Variants in SMARCC1 observed in about 807,000 individuals in gnomAD.
The protein encoded by SMARCC1 is SWI/SNF related BAF chromatin remodeling complex subunit C1, also known as SWI/SNF complex subunit SMARCC1.
SMARCC1 carries 43 observed loss-of-function variants against 147.4 expected under a neutral mutation model. The ratio of observed to expected loss-of-function variants is 0.29; its 90% confidence interval spans 0.23 to 0.38. The LOEUF (loss-of-function observed/expected upper bound fraction) is 0.38. SMARCC1 is among the 10% of genes least tolerant of loss of function. The pLI is 1.00. For missense variants in SMARCC1, 1,119 were observed against 1,381.1 expected (o/e 0.81, Z 3.01); for synonymous variants, 495 against 484.4 (o/e 1.02, Z -0.29).
chr3:47,629,151 T>C (rs765070387), intron 24 of SMARCC1, among the ~76,000 whole-genome samples: 2 of 152,144 alleles, frequency 1.3e-5, no homozygotes, highest in African/African-American at 4.8e-5. Flanking sequence ...GTGTCTCCAA[T>C]TCAAACCCTC....
rs546954168 is a variant in SMARCC1, at chr3:47,688,608, A to G, written c.1263+779T>C. On this transcript the variant is annotated intron_variant, in intron 13 of 27. Coordinates refer to ENST00000254480, the MANE Select transcript of SMARCC1 (RefSeq NM_003074.4). ...TCCTACCTTAAATCTAACATGTTCC[A>G]AAAGCATAATGATTGAGGTATCGCT... Among the ~76,000 whole-genome samples, 6 of 152,336 alleles carry G rather than the reference A, an allele frequency of 3.9e-5. No homozygotes were observed. The East Asian group carries it at 1.2e-3, about 29-fold the overall frequency.
intron 1 of SMARCC1, among the ~76,000 whole-genome samples, chr3:47,777,656 T>C (rs558138266): frequency 1.3e-5 from 2 of 151,956 alleles, no homozygotes; most frequent in South Asian, 4.2e-4. Context: ...GTCTCCTGAG[T>C]AGCTGGGACT....
At chr3:47,592,459 T>C (rs1224177824) in intron 26 of SMARCC1, among the ~76,000 whole-genome samples, 1 of 152,188 alleles carries the variant, frequency 6.6e-6, no homozygotes, top group Non-Finnish European at 1.5e-5. Flanking sequence ...ATTTAAACTA[T>C]AAAAACCACT....
chr3:47,657,409 GA>G (rs2033277939), intron 21 of SMARCC1, among the ~76,000 whole-genome samples: 2 of 152,154 alleles, frequency 1.3e-5, no homozygotes, highest in Non-Finnish European at 2.9e-5. Flanking sequence ...ATCAGTAAAA[GA>G]AGAAAATCTT....
chr3:47,728,311 C>G (rs551614958), intron 6 of SMARCC1, among the ~76,000 whole-genome samples: 143 of 152,008 alleles, frequency 9.4e-4, no homozygotes, highest in African/African-American at 3.3e-3. Context: ...TGATCTCAAA[C>G]TCCTGACCTC....
intron 26 of SMARCC1, among the ~76,000 whole-genome samples, chr3:47,598,440 TAAAC>T (rs2032334361): frequency 6.6e-6 from 1 of 152,164 alleles, no homozygotes. Flanking sequence ...ACAGAGGCCT[TAAAC>T]AAGTTAGGAA....
At position 47,661,594 on chromosome 3, in the gene SMARCC1, C is replaced by T. The variant is rs1158534792; in HGVS notation, c.2159-139G>A. On this transcript the variant is annotated intron_variant, in intron 20 of 27. Transcript: ENST00000254480. ...TCTTCAGGCTCTCAGTCCCTCTATA[C>T]CAGAAAAATGAGAGGACTAAATGAG... The T allele has an allele frequency of 8.8e-6, 5 of 567,658 alleles. No individual in the cohort carries two copies. In the Admixed American group the frequency reaches 1.0e-4, roughly 12 times the overall value. 35.2% of individuals were successfully genotyped at this position (567,658 alleles called of 1,614,324 possible).
intron 2 of SMARCC1, among the ~76,000 whole-genome samples, chr3:47,750,158 G>T (rs1272620726): frequency 6.6e-6 from 1 of 151,346 alleles, no homozygotes; most frequent in Non-Finnish European, 1.5e-5. Flanking sequence ...AATGTAGGCT[G>T]GGCGCGGTGG....
At chr3:47,598,862 G>GACACACACACACACACACAC (rs113400730) in intron 26 of SMARCC1, among the ~76,000 whole-genome samples, 6 of 128,122 alleles carry the variant, frequency 4.7e-5, no homozygotes, top group African/African-American at 1.9e-4. Context: ...GAGAGAGAGA[G>GACACACACACACACACACAC]ACACACACAC....
chr3:47,718,496 T>C (rs1445406984), intron 7 of SMARCC1, among the ~76,000 whole-genome samples: 1 of 151,916 alleles, frequency 6.6e-6, no homozygotes, highest in Non-Finnish European at 1.5e-5. Context: ...ATGATTCAAA[T>C]GGTGTTTGGG....
intron 3 of SMARCC1, among the ~76,000 whole-genome samples, chr3:47,743,711 G>C (rs148912707): frequency 1.2e-4 from 18 of 151,742 alleles, no homozygotes; most frequent in Non-Finnish European, 2.5e-4. Context: ...TACTCAGGAG[G>C]GTGAGGCAGG....
intron 2 of SMARCC1, among the ~76,000 whole-genome samples, chr3:47,758,216 C>G (rs1181427659): frequency 1.3e-5 from 2 of 152,022 alleles, no homozygotes; most frequent in Non-Finnish European, 2.9e-5. Context: ...AACTCCTGGG[C>G]TCAAGTGATC....
intron 13 of SMARCC1, among the ~76,000 whole-genome samples, chr3:47,688,517 G>T (rs750732757): frequency 6.6e-6 from 1 of 152,010 alleles, no homozygotes; most frequent in African/African-American, 2.4e-5. Flanking sequence ...AAGATTGGGG[G>T]TTAATCACAC....
intron 24 of SMARCC1, among the ~76,000 whole-genome samples, chr3:47,628,994 A>G (rs1225748262): frequency 3.3e-5 from 5 of 152,230 alleles, no homozygotes; most frequent in African/African-American, 1.2e-4. Context: ...ATGGAAAAGG[A>G]AAAAGACTCA....
chr3:47,779,154 T>C (rs779047817), intron 1 of SMARCC1, among the ~76,000 whole-genome samples: 21 of 149,680 alleles, frequency 1.4e-4, no homozygotes, highest in African/African-American at 4.4e-4. Context: ...ATGAGCTGAA[T>C]GCAAGAGTTT....
chr3:47,703,529 G>C (rs1478826525), intron 10 of SMARCC1, among the ~76,000 whole-genome samples: 2 of 151,848 alleles, frequency 1.3e-5, no homozygotes, highest in Non-Finnish European at 2.9e-5. Flanking sequence ...AATAAAGAAA[G>C]ACAATGCTTC....
At chr3:47,758,301 T>A (rs1190134196) in intron 2 of SMARCC1, among the ~76,000 whole-genome samples, 1 of 151,772 alleles carries the variant, frequency 6.6e-6, no homozygotes, top group Non-Finnish European at 1.5e-5. Flanking sequence ...TTTAATATTC[T>A]GTAGAGATGT....
chr3:47,759,117 T>A (rs577761434), intron 2 of SMARCC1, among the ~76,000 whole-genome samples: 1 of 151,708 alleles, frequency 6.6e-6, no homozygotes, highest in East Asian at 2.0e-4. Flanking sequence ...GCTCAAGCAA[T>A]CCTCCCACCT....
At position 47,701,287 on chromosome 3, in the gene SMARCC1, G is replaced by C; in HGVS notation, c.1156C>G (p.Pro386Ala). The C allele has an allele frequency of 6.2e-7, 1 of 1,611,770 alleles. No individual in the cohort carries two copies. The highest frequency in any genetic ancestry group is 8.5e-7 in the Non-Finnish European group (1 of 1,178,762). ...PVPNIEEVVLPKNVNLKKDSE... is the reference protein window; with the variant it reads ...PVPNIEEVVLAKNVNLKKDSE... ...GCAGAAGAATACAAACCATTTTTGG[G>C]AAGTACTACTTCTTCTATATTGGGT... Residue 386 changes from proline (P) to alanine (A), a missense_variant, in exon 11 of 28, where the codon CCC becomes GCC. Pro to Ala is a conservative substitution (Grantham distance 27, BLOSUM62 -1). Coordinates refer to ENST00000254480, the MANE Select transcript of SMARCC1 (RefSeq NM_003074.4).
Sources: allele counts gnomAD v4.1 joint callset (sites outside exome capture counted in the v4.1 genomes callset), GRCh38; gene constraint gnomAD v4.1.1; transcripts MANE v1.5; gene names NCBI Gene and HGNC (gene_info 2026-07-23, HGNC 2026-07-21).